Variants in CARM1 observed in about 807,000 individuals in gnomAD.
CARM1 encodes the protein coactivator associated arginine methyltransferase 1.
A neutral mutation model predicts 72.7 loss-of-function variants in CARM1; 14 were observed. That is an observed-to-expected ratio of 0.19 (90% CI 0.13 to 0.30). CARM1 has a LOEUF of 0.30. Ranked by LOEUF, CARM1 falls within the 10% of genes least tolerant of loss-of-function variation. The pLI is 1.00. For missense variants in CARM1, 432 were observed against 833.7 expected (o/e 0.52, Z 5.93); for synonymous variants, 333 against 345.5 (o/e 0.96, Z 0.40).
intron 1 of CARM1, among the ~76,000 whole-genome samples, chr19:10,900,654 G>A (rs1445377616): frequency 6.6e-6 from 1 of 152,022 alleles, no homozygotes; most frequent in Non-Finnish European, 1.5e-5. Context: ...TTGCATACGA[G>A]TGTCTGTTGG....
intron 1 of CARM1, among the ~76,000 whole-genome samples, chr19:10,899,033 G>GTTTT (rs34563725): frequency 6.0e-5 from 7 of 117,424 alleles, no homozygotes; most frequent in African/African-American, 1.3e-4. Flanking sequence ...GGCTTAGCTT[G>GTTTT]TTTTTTTTTT....
At chr19:10,881,880 C>T (rs1050978995) in intron 1 of CARM1, among the ~76,000 whole-genome samples, 3 of 152,042 alleles carry the variant, frequency 2.0e-5, no homozygotes, top group South Asian at 4.2e-4. Flanking sequence ...GTGGTGACAC[C>T]CGAGATAAAC....
rs948866224 is a variant in CARM1 at position 10,912,532 on chromosome 19, T to G, written c.669+238T>G. On this transcript the variant is annotated intron_variant, in intron 5 of 15. Coordinates refer to ENST00000327064, the MANE Select transcript of CARM1 (RefSeq NM_199141.2). This position sits in a 1 kb window ranked among gnomAD's most constrained non-coding sequence, Gnocchi z 4.5. The stretch of plus-strand genomic sequence containing the variant: ...TTCCCTGTTTTCTTTTTTTTTTTTT[T>G]GCACTGAAACCTTCATTCACAAAGT... Among the ~76,000 whole-genome samples, 6 of 151,884 alleles carry G rather than the reference T, an allele frequency of 4.0e-5. No individual in the cohort carries two copies. Among genetic ancestry groups the G allele is most frequent in the Non-Finnish European group, 8.8e-5 (6 of 67,908 alleles).
chr19:10,891,672 G>A (rs1212357312), intron 1 of CARM1, among the ~76,000 whole-genome samples: 4 of 152,214 alleles, frequency 2.6e-5, no homozygotes, highest in African/African-American at 4.8e-5. Context: ...GATAACTTGC[G>A]TAGACGCCGG....
chr19:10,873,229 G>C (rs965868313), intron 1 of CARM1, among the ~76,000 whole-genome samples: 3 of 152,158 alleles, frequency 2.0e-5, no homozygotes, highest in African/African-American at 4.8e-5. Flanking sequence ...GCGGGGCAGC[G>C]TTTCCAAAAC....
intron 3 of CARM1, chr19:10,908,536 TC>T: frequency 5.0e-6 from 1 of 198,240 alleles, no homozygotes; most frequent in Non-Finnish European, 1.0e-5. Context: ...GCTATTATTG[TC>T]CCCATTTTAC....
Position 10,916,896 on chromosome 19 carries a change from TCA to T in CARM1, c.1020+122_1020+123del. 2.8e-6 allele frequency: 2 copies of T among 726,844 alleles called. No homozygotes were observed. Among genetic ancestry groups the T allele is most frequent in the South Asian group, 1.9e-5 (1 of 52,976 alleles). The allele number at this position is 726,844 out of a possible 1,614,324, so 45.0% of individuals were successfully genotyped here. ...CTCTCCTCTGCCCTGCACAGCGCTC[TCA>T]CAGAGATTTGGGCCAAAAGTGTCAA... is the stretch of plus-strand genomic sequence containing the variant. On this transcript the variant is annotated intron_variant, in intron 8 of 15. Coordinates refer to ENST00000327064, the MANE Select transcript of CARM1 (RefSeq NM_199141.2). This position sits in a 1 kb window ranked among gnomAD's most constrained non-coding sequence, Gnocchi z 4.4.
chr19:10,919,545 C>A, intron 8 of CARM1, 50 bp from the exon 9 acceptor site: 1 of 1,366,634 alleles, frequency 7.3e-7, no homozygotes, highest in Non-Finnish European at 1.0e-6. Flanking sequence ...TCTCCCCTCC[C>A]ATGCTGGCCC....
intron 13 of CARM1, 25 bp from the exon 14 acceptor site, chr19:10,921,025 C>T (rs769212946): frequency 2.5e-6 from 4 of 1,613,758 alleles, no homozygotes; most frequent in Admixed American, 3.3e-5. Context: ...GCCTCCAGCC[C>T]TGACGTCTCC....
At chr19:10,887,706 G>C (rs1272226049) in intron 1 of CARM1, among the ~76,000 whole-genome samples, 1 of 152,230 alleles carries the variant, frequency 6.6e-6, no homozygotes, top group African/African-American at 2.4e-5. Context: ...GCCTCCCAAA[G>C]CACTGGGATT....
At position 10,915,192 on chromosome 19, in the gene CARM1, T is replaced by C. The variant is rs1399565996; in HGVS notation, c.847+1138T>C. 5.3e-5 allele frequency among the ~76,000 whole-genome samples: 8 copies of C among 152,050 alleles called. No individual in the cohort carries two copies. Among genetic ancestry groups the C allele is most frequent in the Non-Finnish European group, 4.4e-5 (3 of 67,972 alleles). On this transcript the variant is annotated intron_variant, in intron 6 of 15. Coordinates refer to ENST00000327064, the MANE Select transcript of CARM1 (RefSeq NM_199141.2). This position sits in a 1 kb window ranked among gnomAD's most constrained non-coding sequence, Gnocchi z 4.6. ...GGTGGCGTCCCACAGCTGTGTCTCA[T>C]GTCTTGGGTGTGAGTATGGGAAGCA...
chr19:10,909,292 T>A, intron 4 of CARM1, 85 bp downstream of exon 4: 1 of 868,684 alleles, frequency 1.2e-6, no homozygotes, highest in South Asian at 1.5e-5. Context: ...TTTAATTTTC[T>A]CAGATTAGAA....
chr19:10,906,018 A>G (rs560927077), intron 2 of CARM1, among the ~76,000 whole-genome samples: 64 of 126,242 alleles, frequency 5.1e-4, no homozygotes, highest in Middle Eastern at 0.014. Context: ...GTGCTATCTT[A>G]GCTCACTGCA....
In CARM1 at chr19:10,921,946, C is replaced by A. The variant is rs1250424381; in HGVS notation, c.*189C>A. 2 of 563,726 alleles carry A rather than the reference C, an allele frequency of 3.5e-6. No individual in the cohort carries two copies. Among genetic ancestry groups the A allele is most frequent in the Non-Finnish European group, 6.1e-6 (2 of 325,844 alleles). 34.9% of individuals were successfully genotyped at this position (563,726 alleles called of 1,614,324 possible). On this transcript the variant is annotated 3_prime_UTR_variant, in exon 16 of 16. Coordinates refer to ENST00000327064, the MANE Select transcript of CARM1 (RefSeq NM_199141.2). ...CCCCACCCTAACCCCCACCTCCCGG[C>A]CCTGAGCGTGTGTCGCTGCCATATT... is the stretch of plus-strand genomic sequence containing the variant.
intron 1 of CARM1, among the ~76,000 whole-genome samples, chr19:10,891,644 A>G (rs1036044239): frequency 1.3e-5 from 2 of 151,950 alleles, no homozygotes; most frequent in Non-Finnish European, 2.9e-5. Flanking sequence ...CGGCCTGCCC[A>G]CTCTAGGGAG....
At chr19:10,911,195 T>C (rs974074964) in intron 4 of CARM1, among the ~76,000 whole-genome samples, 2 of 152,134 alleles carry the variant, frequency 1.3e-5, no homozygotes, top group Non-Finnish European at 2.9e-5. Context: ...CTGGCCTGTT[T>C]TCTCTTTTGA....
Position 10,912,690 on chromosome 19 carries a change from C to T in CARM1, c.669+396C>T, listed in dbSNP as rs2074161605. Among the ~76,000 whole-genome samples the T allele has an allele frequency of 6.6e-6, 1 of 152,002 alleles. No individual in the cohort carries two copies. The highest frequency in any genetic ancestry group is 2.4e-5 in the African/African-American group (1 of 41,410). ...CAGAGCTATTCCGTGAGCGTCCTCT[C>T]GCACCAGTGGAGGCTGCACCCTCCA... On this transcript the variant is annotated intron_variant, in intron 5 of 15. Transcript: ENST00000327064. The surrounding 1 kb of genome is among the most constrained non-coding windows in gnomAD (Gnocchi z 4.5).
chr19:10,920,299 C>T lies in CARM1; in HGVS notation c.1197-137C>T, dbSNP rs2074231400. The T allele has an allele frequency of 1.9e-6, 2 of 1,033,054 alleles. No individual in the cohort carries two copies. The highest frequency in any genetic ancestry group is 1.4e-6 in the Non-Finnish European group (1 of 722,296). The allele number at this position is 1,033,054 out of a possible 1,614,324, so 64.0% of individuals were successfully genotyped here. On this transcript the variant is annotated intron_variant, in intron 10 of 15. Coordinates refer to ENST00000327064, the MANE Select transcript of CARM1 (RefSeq NM_199141.2). The surrounding 1 kb of genome is among the most constrained non-coding windows in gnomAD (Gnocchi z 5.3). Reference sequence around the variant, plus strand: ...TTTGTGTCTGGGACTGCCTGGGGGCCAGCCTGTCTCTGCTCCAGGGTCCCA... The same window carrying T: ...TTTGTGTCTGGGACTGCCTGGGGGCTAGCCTGTCTCTGCTCCAGGGTCCCA...
rs115146807 is a variant in CARM1 at position 10,899,161 on chromosome 19, G to C, written c.221-5790G>C. On this transcript the variant is annotated intron_variant, in intron 1 of 15. Transcript: ENST00000327064. ...TCCGCGGGCTTTAGCAGCTGCTGCT[G>C]TGATGAAGCGATCCACTTGCCCTCA... Among the ~76,000 whole-genome samples the C allele has an allele frequency of 7.8e-3, 1,180 of 151,748 alleles. 23 individuals are homozygous for C. Among genetic ancestry groups the C allele is most frequent in the African/African-American group, 0.027 (1,120 of 41,356 alleles).
Sources: allele counts gnomAD v4.1 joint callset (sites outside exome capture counted in the v4.1 genomes callset), GRCh38; gene constraint gnomAD v4.1.1; non-coding constraint Gnocchi (gnomAD v3.1); transcripts MANE v1.5; gene names NCBI Gene and HGNC (gene_info 2026-07-23, HGNC 2026-07-21).